Variants in TMEM273 observed in about 807,000 individuals in gnomAD.
TMEM273 encodes the protein transmembrane protein 273.
A neutral mutation model predicts 17.9 loss-of-function variants in TMEM273; 19 were observed. The ratio of observed to expected loss-of-function variants is 1.06; its 90% CI spans 0.74 to 1.55. TMEM273 has a LOEUF of 1.55. Ranked by LOEUF, TMEM273 falls within the 40% of genes most tolerant of loss-of-function variation. TMEM273 has a pLI of 0.00. For missense variants in TMEM273, 194 were observed against 155.6 expected (o/e 1.25, Z -1.31); for synonymous variants, 66 against 62.0 (o/e 1.07, Z -0.31).
chr10:49,165,893 C>T (rs1846147952), intron 3 of TMEM273, 97 bp from the exon 4 acceptor site: 1 of 1,527,294 alleles, frequency 6.5e-7, no homozygotes, highest in East Asian at 2.3e-5. Context: ...GGTCCTCTCA[C>T]TCACGGTTGC....
At chr10:49,164,883 TC>T (rs1217464171) in intron 5 of TMEM273, among the ~76,000 whole-genome samples, 3 of 151,824 alleles carry the variant, frequency 2.0e-5, no homozygotes, top group Non-Finnish European at 2.9e-5. Context: ...CCTGCCTGTC[TC>T]CCCTGTAGAC....
chr10:49,182,288 T>C (rs1412815406), intron 1 of TMEM273, among the ~76,000 whole-genome samples: 1 of 152,214 alleles, frequency 6.6e-6, no homozygotes, highest in Non-Finnish European at 1.5e-5. Context: ...AGGAAAAATT[T>C]TTACAAAGAT....
intron 3 of TMEM273, among the ~76,000 whole-genome samples, chr10:49,166,011 T>C (rs1317381792): frequency 6.6e-6 from 1 of 152,088 alleles, no homozygotes; most frequent in Non-Finnish European, 1.5e-5. Flanking sequence ...CAAACTCCCA[T>C]GGCCTATTAA....
chr10:49,165,802 CAG>C lies in TMEM273; in HGVS notation c.239-8_239-7del. 1 of 1,614,180 alleles carries C rather than the reference CAG, an allele frequency of 6.2e-7. No homozygotes were observed. Among genetic ancestry groups the C allele is most frequent in the Non-Finnish European group, 8.5e-7 (1 of 1,180,024 alleles). ...CTTCTTTAGCGGGATGGTGTCTAAA[CAG>C]AGAAAGCCGGGCATTAGGAAGGGGG... On this transcript the variant is annotated splice_region_variant and splice_polypyrimidine_tract_variant and intron_variant, in intron 3 of 6. Transcript: ENST00000374153.
At chr10:49,158,619 C>T (rs114428196) in intron 6 of TMEM273, among the ~76,000 whole-genome samples, 227 of 152,286 alleles carry the variant, frequency 1.5e-3, no homozygotes, top group African/African-American at 5.3e-3. Context: ...CTAGGCTCAG[C>T]CTCTCCAGGA....
intron 1 of TMEM273, among the ~76,000 whole-genome samples, chr10:49,185,169 T>C (rs1035382985): frequency 4.6e-5 from 7 of 152,268 alleles, no homozygotes; most frequent in African/African-American, 1.7e-4. Flanking sequence ...AATATATATC[T>C]AGAAAAAAAT....
chr10:49,156,087 G>A (rs1432294725), intron 6 of TMEM273, 178 bp from the exon 7 acceptor site: 2 of 1,543,342 alleles, frequency 1.3e-6, no homozygotes, highest in African/African-American at 1.4e-5. Context: ...TGGCTTCTGG[G>A]TAAAGGGGAG....
intron 1 of TMEM273, among the ~76,000 whole-genome samples, chr10:49,171,685 G>A (rs1282284127): frequency 6.6e-6 from 1 of 152,214 alleles, no homozygotes; most frequent in African/African-American, 2.4e-5. Flanking sequence ...AAGAGTGGAT[G>A]TCCCTCTGTC....
chr10:49,159,118 T>C (rs1845688584), intron 6 of TMEM273, among the ~76,000 whole-genome samples: 1 of 152,126 alleles, frequency 6.6e-6, no homozygotes, highest in South Asian at 2.1e-4. Context: ...TCTGTTTACA[T>C]AGTTTATCTC....
At chr10:49,159,810 G>A (rs762590117) in intron 6 of TMEM273, among the ~76,000 whole-genome samples, 2 of 152,180 alleles carry the variant, frequency 1.3e-5, no homozygotes, top group Admixed American at 1.3e-4. Flanking sequence ...AGGTCAAGGT[G>A]AGCCTGAGAT....
chr10:49,166,597 G>A (rs1232050572), intron 3 of TMEM273: 2 of 466,408 alleles, frequency 4.3e-6, no homozygotes, highest in Non-Finnish European at 7.9e-6. Flanking sequence ...GAAAAGTACA[G>A]AGGGAAAGAG....
intron 5 of TMEM273, among the ~76,000 whole-genome samples, chr10:49,163,210 G>T (rs543588438): frequency 2.8e-4 from 43 of 152,290 alleles, no homozygotes; most frequent in Middle Eastern, 3.4e-3. Flanking sequence ...GGGGCACTGG[G>T]AGCAGTTCGG....
chr10:49,156,454 G>A (rs1301021514), intron 6 of TMEM273, among the ~76,000 whole-genome samples: 2 of 152,238 alleles, frequency 1.3e-5, no homozygotes, highest in Non-Finnish European at 2.9e-5. Flanking sequence ...ACCAGACTCA[G>A]AAACAATAGA....
intron 1 of TMEM273, among the ~76,000 whole-genome samples, chr10:49,172,058 A>G (rs927496620): frequency 9.7e-4 from 148 of 152,338 alleles, no homozygotes; most frequent in Middle Eastern, 3.4e-3. Context: ...GTGTTTGTCA[A>G]TGATGCCCGG....
At chr10:49,175,008 T>C (rs1846857942) in intron 1 of TMEM273, among the ~76,000 whole-genome samples, 1 of 151,472 alleles carries the variant, frequency 6.6e-6, no homozygotes, top group African/African-American at 2.4e-5. Context: ...CCCGGAGAGA[T>C]CATTATTTAA....
chr10:49,163,650 C>T (rs1437671644), intron 5 of TMEM273, among the ~76,000 whole-genome samples: 1 of 152,060 alleles, frequency 6.6e-6, no homozygotes, highest in Non-Finnish European at 1.5e-5. Context: ...AGCCCAGGAC[C>T]CAGTGGACTG....
intron 3 of TMEM273, among the ~76,000 whole-genome samples, chr10:49,166,273 A>G (rs12771123): frequency 0.37 from 55,559 of 152,080 alleles, 10,275 homozygotes; most frequent in South Asian, 0.47. Flanking sequence ...TTGGGTGCCA[A>G]GGAGGCAGAG....
At chr10:49,163,306 TGAGA>T (rs3080161) in intron 5 of TMEM273, among the ~76,000 whole-genome samples, 5 of 147,844 alleles carry the variant, frequency 3.4e-5, no homozygotes, top group South Asian at 2.1e-4. Context: ...TGTGTGTGTG[TGAGA>T]GAGAGAGAGA....
chr10:49,179,046 C>G (rs1847178357), intron 1 of TMEM273, among the ~76,000 whole-genome samples: 1 of 152,148 alleles, frequency 6.6e-6, no homozygotes. Flanking sequence ...GGGGTCCAGG[C>G]AGGAGTTCCC....
Sources: allele counts gnomAD v4.1 joint callset (sites outside exome capture counted in the v4.1 genomes callset), GRCh38; gene constraint gnomAD v4.1.1; transcripts MANE v1.5; gene names NCBI Gene and HGNC (gene_info 2026-07-23, HGNC 2026-07-21).